Variants in L3MBTL4 observed in about 807,000 individuals in gnomAD.
L3MBTL4 encodes lethal(3)malignant brain tumor-like protein 4.
A neutral mutation model predicts 84.5 loss-of-function variants in L3MBTL4; 70 were observed. The observed-to-expected ratio is 0.83, with a 90% CI of 0.68 to 1.01. L3MBTL4 has a LOEUF of 1.01. L3MBTL4 is among the 50% of genes least tolerant of loss of function. L3MBTL4 has a pLI of 0.00. For synonymous variants in L3MBTL4, 274 were observed against 259.8 expected, an observed-to-expected ratio of 1.05 and a Z score of -0.52; for missense variants, 715 against 754.8, an observed-to-expected ratio of 0.95 and a Z score of 0.62.
intron 13 of L3MBTL4, among the ~76,000 whole-genome samples, chr18:6,152,831 T>C (rs1220059294): frequency 1.3e-5 from 2 of 152,188 alleles, no homozygotes; most frequent in African/African-American, 2.4e-5. Context: ...ATAAAGCTTT[T>C]CCTTATGTTC....
intron 1 of L3MBTL4, among the ~76,000 whole-genome samples, chr18:6,387,482 C>A (rs1291341195): frequency 2.0e-5 from 3 of 152,070 alleles, no homozygotes; most frequent in Non-Finnish European, 4.4e-5. Flanking sequence ...CACAAAAGTG[C>A]ATTTATGGGA....
At chr18:6,410,672 T>C (rs1257671737) in intron 1 of L3MBTL4, among the ~76,000 whole-genome samples, 8 of 152,180 alleles carry the variant, frequency 5.3e-5, no homozygotes, top group Non-Finnish European at 1.0e-4. Context: ...CTAGTTACAG[T>C]GAAAAGAAAT....
chr18:6,048,207 C>T (rs116516352), intron 16 of L3MBTL4, among the ~76,000 whole-genome samples: 1,682 of 152,068 alleles, frequency 0.011, 37 homozygotes, highest in African/African-American at 0.038. Flanking sequence ...TAAAGAACTA[C>T]AAAACACTGC....
chr18:6,016,516 T>A (rs1335421686), intron 16 of L3MBTL4, among the ~76,000 whole-genome samples: 1 of 152,166 alleles, frequency 6.6e-6, no homozygotes, highest in African/African-American at 2.4e-5. Context: ...CAAAGACACC[T>A]TTGTGGCCCA....
In L3MBTL4 at chr18:5,977,857, G is replaced by A. The variant is rs543783390; in HGVS notation, c.1445-8295C>T. ...ACCCTCTGTGGCATCCCTCAGCCCAGGAGGAGGTAAGTCCTGCCTCCCCAA... is the reference window on the plus strand; with the variant it reads ...ACCCTCTGTGGCATCCCTCAGCCCAAGAGGAGGTAAGTCCTGCCTCCCCAA... On this transcript the variant is annotated intron_variant, in intron 16 of 18. Coordinates refer to ENST00000317931, the MANE Select transcript of L3MBTL4 (RefSeq NM_001330559.2). 1.7e-4 allele frequency among the ~76,000 whole-genome samples: 26 copies of A among 152,208 alleles called. 1 individual carries two copies. The South Asian group carries it at 5.4e-3, about 32-fold the overall frequency.
chr18:6,163,143 T>C (rs892855330), intron 13 of L3MBTL4, among the ~76,000 whole-genome samples: 1 of 151,852 alleles, frequency 6.6e-6, no homozygotes, highest in African/African-American at 2.4e-5. Flanking sequence ...TTAGAGTGCC[T>C]GGAGCAACCA....
At position 6,280,790 on chromosome 18, in the gene L3MBTL4, A is replaced by G. The variant is rs75486472; in HGVS notation, c.128-16752T>C. On this transcript the variant is annotated intron_variant, in intron 4 of 18. Coordinates refer to ENST00000317931, the MANE Select transcript of L3MBTL4 (RefSeq NM_001330559.2). ...GTGGCCAGAGGAAAAAGTGACCACA[A>G]CAGGAGCACAAGAGAGATCCGACCT... Among the ~76,000 whole-genome samples, 615 of 152,330 alleles carry G rather than the reference A, an allele frequency of 4.0e-3. 5 individuals are homozygous for G. The highest frequency in any genetic ancestry group is 0.014 in the African/African-American group (595 of 41,568).
intron 12 of L3MBTL4, among the ~76,000 whole-genome samples, chr18:6,193,155 G>T (rs1405623417): frequency 7.9e-5 from 12 of 151,956 alleles, no homozygotes; most frequent in Admixed American, 7.9e-4. Flanking sequence ...CAAGTGGAGG[G>T]CAAGGACATC....
At chr18:6,217,433 GT>G (rs2046372648) in intron 10 of L3MBTL4, among the ~76,000 whole-genome samples, 1 of 152,166 alleles carries the variant, frequency 6.6e-6, no homozygotes, top group Admixed American at 6.6e-5. Flanking sequence ...GAATGTGAGG[GT>G]CAGGTGGATT....
chr18:6,296,832 T>G (rs2050127363), intron 4 of L3MBTL4, among the ~76,000 whole-genome samples: 1 of 151,992 alleles, frequency 6.6e-6, no homozygotes, highest in Non-Finnish European at 1.5e-5. Context: ...TTGAGAGATG[T>G]CAAGAAGGAT....
At chr18:6,084,972 C>A (rs995855611) in intron 15 of L3MBTL4, among the ~76,000 whole-genome samples, 1 of 152,074 alleles carries the variant, frequency 6.6e-6, no homozygotes, top group African/African-American at 2.4e-5. Flanking sequence ...AATTATGGGG[C>A]CTGCACAAGC....
chr18:6,408,196 G>A (rs2055815221), intron 1 of L3MBTL4, among the ~76,000 whole-genome samples: 1 of 152,206 alleles, frequency 6.6e-6, no homozygotes, highest in South Asian at 2.1e-4. Context: ...CACAGTCTCA[G>A]GCTTGGCCAA....
At chr18:6,293,874 G>GA (rs1351482248) in intron 4 of L3MBTL4, among the ~76,000 whole-genome samples, 4 of 152,188 alleles carry the variant, frequency 2.6e-5, no homozygotes, top group Non-Finnish European at 5.9e-5. Context: ...AAAAGTTCAG[G>GA]AAAGGCTGAG....
At chr18:6,382,428 T>C (rs572206080) in intron 1 of L3MBTL4, among the ~76,000 whole-genome samples, 8 of 152,208 alleles carry the variant, frequency 5.3e-5, no homozygotes, top group Non-Finnish European at 8.8e-5. Context: ...TTTGGAATTT[T>C]CAGCCTTTTT....
chr18:6,040,156 T>A (rs998050531), intron 16 of L3MBTL4, among the ~76,000 whole-genome samples: 3 of 152,232 alleles, frequency 2.0e-5, no homozygotes, highest in Admixed American at 1.3e-4. Flanking sequence ...CAAGGTATTT[T>A]GAATTGTAGT....
intron 12 of L3MBTL4, among the ~76,000 whole-genome samples, chr18:6,206,724 G>C (rs564516683): frequency 6.6e-6 from 1 of 152,046 alleles, no homozygotes; most frequent in Non-Finnish European, 1.5e-5. Flanking sequence ...TAAAAAGAGG[G>C]TTATCAACTG....
intron 1 of L3MBTL4, among the ~76,000 whole-genome samples, chr18:6,322,505 A>AAG (rs1568490402): frequency 0.012 from 1,166 of 93,830 alleles, 11 homozygotes; most frequent in Middle Eastern, 0.025. Context: ...AAGGAAGGAA[A>AAG]GAAGGAAAAA....
intron 16 of L3MBTL4, among the ~76,000 whole-genome samples, chr18:6,072,825 C>T (rs1339893035): frequency 7.8e-6 from 1 of 127,866 alleles, no homozygotes; most frequent in Non-Finnish European, 1.6e-5. Context: ...CACTGCACTC[C>T]AGCACTCTAG....
At chr18:6,118,228 C>T (rs1299191955) in intron 14 of L3MBTL4, among the ~76,000 whole-genome samples, 6 of 151,918 alleles carry the variant, frequency 3.9e-5, no homozygotes, top group Non-Finnish European at 7.4e-5. Flanking sequence ...CACACACACA[C>T]GAGCACTTGC....
Sources: gnomAD v4.1 joint callset for allele counts (sites outside exome capture counted in the v4.1 genomes callset) on GRCh38, gnomAD v4.1.1 for gene constraint, MANE v1.5 for transcripts, NCBI Gene and HGNC (gene_info 2026-07-23, HGNC 2026-07-21) for gene names.